Variants in EPHA3 observed in about 807,000 individuals in gnomAD.
EPHA3 encodes ephrin type-A receptor 3.
In EPHA3, 42 loss-of-function variants were observed where a neutral mutation model predicts 107.1. The observed-to-expected ratio is 0.39, with a 90% CI of 0.31 to 0.51. The LOEUF (loss-of-function observed/expected upper bound fraction) is 0.51, where lower values mean the gene tolerates loss of function less well. Ranked by LOEUF, EPHA3 falls within the 20% of genes least tolerant of loss-of-function variation. The probability of loss-of-function intolerance (pLI) is 0.78; values close to 1 mark genes in which losing one functional copy is unlikely to be tolerated. For synonymous variants in EPHA3, 461 were observed against 424.8 expected, an observed-to-expected ratio of 1.09 and a Z score of -1.05; for missense variants, 1,183 against 1,211.2, an observed-to-expected ratio of 0.98 and a Z score of 0.35.
intron 1 of EPHA3, among the ~76,000 whole-genome samples, chr3:89,108,558 G>GT (rs373790233): frequency 5.9e-5 from 9 of 152,204 alleles, no homozygotes; most frequent in African/African-American, 2.2e-4. Flanking sequence ...GGAAGATATA[G>GT]TAAATAACTG....
intron 2 of EPHA3, among the ~76,000 whole-genome samples, chr3:89,197,947 G>C (rs564899228): frequency 6.6e-6 from 1 of 152,016 alleles, no homozygotes; most frequent in African/African-American, 2.4e-5. Flanking sequence ...CTGTACTCCA[G>C]CCTGGGTGAC....
chr3:89,173,810 A>G (rs1705259384), intron 2 of EPHA3, among the ~76,000 whole-genome samples: 1 of 152,056 alleles, frequency 6.6e-6, no homozygotes, highest in Non-Finnish European at 1.5e-5. Flanking sequence ...TAAGTTACAT[A>G]TAAAAATAAC....
chr3:89,434,250 C>T (rs958771994), intron 13 of EPHA3, among the ~76,000 whole-genome samples: 29 of 152,114 alleles, frequency 1.9e-4, no homozygotes, highest in African/African-American at 6.3e-4. Flanking sequence ...CAGAGCCTCA[C>T]GTTGTCTCCC....
chr3:89,219,688 GTT>G (rs1553666928), intron 3 of EPHA3, among the ~76,000 whole-genome samples: 7 of 34,444 alleles, frequency 2.0e-4, no homozygotes, highest in African/African-American at 6.1e-4. Context: ...ATTTGGCAAT[GTT>G]TTTTTTTTTT....
chr3:89,237,213 T>C (rs1704785969), intron 3 of EPHA3, among the ~76,000 whole-genome samples: 2 of 152,088 alleles, frequency 1.3e-5, no homozygotes, highest in South Asian at 4.1e-4. Context: ...CTACTAAAAA[T>C]ACACAAAAAT....
At chr3:89,195,225 C>T (rs1353983112) in intron 2 of EPHA3, among the ~76,000 whole-genome samples, 1 of 151,966 alleles carries the variant, frequency 6.6e-6, no homozygotes, top group Admixed American at 6.6e-5. Flanking sequence ...CTCTTCTTTG[C>T]ATAAGTTCTC....
intron 5 of EPHA3, among the ~76,000 whole-genome samples, chr3:89,385,293 G>C (rs1345213555): frequency 3.9e-5 from 6 of 152,102 alleles, no homozygotes; most frequent in Non-Finnish European, 8.8e-5. Context: ...GTTTGACTCT[G>C]TGTCCCACCC....
At chr3:89,268,066 G>A (rs539601205) in intron 3 of EPHA3, among the ~76,000 whole-genome samples, 30 of 152,210 alleles carry the variant, frequency 2.0e-4, no homozygotes, top group Middle Eastern at 6.8e-3. Flanking sequence ...CTAATAGCTA[G>A]GATGGGCTTA....
intron 3 of EPHA3, among the ~76,000 whole-genome samples, chr3:89,211,299 T>C (rs1704074954): frequency 6.6e-6 from 1 of 152,154 alleles, no homozygotes; most frequent in African/African-American, 2.4e-5. Context: ...TAAAATTATG[T>C]ATATCAGCTG....
At chr3:89,144,617 G>A (rs1270539620) in intron 2 of EPHA3, among the ~76,000 whole-genome samples, 1 of 151,674 alleles carries the variant, frequency 6.6e-6, no homozygotes, top group Non-Finnish European at 1.5e-5. Flanking sequence ...CTTGTAAGAT[G>A]ACAGTGTGCA....
intron 2 of EPHA3, among the ~76,000 whole-genome samples, chr3:89,171,219 T>A (rs1368937987): frequency 6.6e-6 from 1 of 152,136 alleles, no homozygotes; most frequent in Non-Finnish European, 1.5e-5. Flanking sequence ...CTGTGGTAAG[T>A]TCTCTGTGAG....
intron 2 of EPHA3, among the ~76,000 whole-genome samples, chr3:89,164,872 A>T (rs1359187409): frequency 6.6e-6 from 1 of 152,214 alleles, no homozygotes; most frequent in African/African-American, 2.4e-5. Context: ...ATCTGATAAT[A>T]CTACATTTAA....
intron 5 of EPHA3, among the ~76,000 whole-genome samples, chr3:89,367,812 T>A (rs1238459193): frequency 1.3e-5 from 2 of 150,832 alleles, no homozygotes. Context: ...GCCAGCACTT[T>A]GTTAATTTTT....
At chr3:89,391,397 CT>C (rs1329562421) in intron 5 of EPHA3, among the ~76,000 whole-genome samples, 1 of 141,320 alleles carries the variant, frequency 7.1e-6, no homozygotes, top group African/African-American at 2.7e-5. Flanking sequence ...CTTTTCTTTT[CT>C]TTTCTTTTCT....
chr3:89,426,101 T>C (rs78221049), intron 11 of EPHA3, among the ~76,000 whole-genome samples: 2 of 151,728 alleles, frequency 1.3e-5, no homozygotes, highest in Non-Finnish European at 3.0e-5. Context: ...TTAGTATGTA[T>C]ACCCAGATGT....
chr3:89,458,967 G>A (rs1459974023), intron 15 of EPHA3, among the ~76,000 whole-genome samples: 1 of 152,180 alleles, frequency 6.6e-6, no homozygotes, highest in African/African-American at 2.4e-5. Context: ...TCATAAGTGG[G>A]AGTTGAACAA....
chr3:89,272,813 G>C (rs1463405089), intron 3 of EPHA3, among the ~76,000 whole-genome samples: 1 of 151,898 alleles, frequency 6.6e-6, no homozygotes, highest in African/African-American at 2.4e-5. Flanking sequence ...GATAATGAAA[G>C]AACTTATTTT....
At chr3:89,168,120 A>C (rs1240081994) in intron 2 of EPHA3, among the ~76,000 whole-genome samples, 1 of 152,194 alleles carries the variant, frequency 6.6e-6, no homozygotes, top group African/African-American at 2.4e-5. Flanking sequence ...GGCAAGTAAA[A>C]GTTTTAATAG....
At chr3:89,256,617 T>C (rs564610158) in intron 3 of EPHA3, among the ~76,000 whole-genome samples, 2 of 149,168 alleles carry the variant, frequency 1.3e-5, no homozygotes. Flanking sequence ...ATAAATAAAA[T>C]TCTATGGTCT....
Sources: allele counts gnomAD v4.1 joint callset (sites outside exome capture counted in the v4.1 genomes callset), GRCh38; gene constraint gnomAD v4.1.1; transcripts MANE v1.5; gene names NCBI Gene and HGNC (gene_info 2026-07-23, HGNC 2026-07-21).